IP6K3: variants seen among roughly 807,000 people sequenced by gnomAD.
The protein encoded by IP6K3 is ATP:1D-myo-inositol-hexakisphosphate phosphotransferase.
Under a neutral mutation model 28.8 loss-of-function variants are expected in IP6K3, and 20 were observed. That is an observed-to-expected ratio of 0.70 (90% CI 0.49 to 1.01). The LOEUF is 1.01. Ranked by LOEUF, IP6K3 falls within the 50% of genes least tolerant of loss-of-function variation. The pLI, the probability that IP6K3 is intolerant of heterozygous loss-of-function variation, is 0.00. For missense variants in IP6K3, 480 were observed against 537.1 expected (o/e 0.89, Z 1.05); for synonymous variants, 213 against 221.3 (o/e 0.96, Z 0.33).
chr6:33,725,198 C>CTT (rs1766051689), intron 5 of IP6K3, among the ~76,000 whole-genome samples: 1 of 145,436 alleles, frequency 6.9e-6, no homozygotes, highest in Admixed American at 7.1e-5. Flanking sequence ...CACTGCACTC[C>CTT]AGCCTGGGCG....
intron 2 of IP6K3, among the ~76,000 whole-genome samples, chr6:33,728,785 C>T (rs1165653562): frequency 6.6e-6 from 1 of 152,150 alleles, no homozygotes; most frequent in Non-Finnish European, 1.5e-5. Flanking sequence ...CCTGAGCACC[C>T]TTCTTCTCCC....
At position 33,723,118 on chromosome 6, in the gene IP6K3, C is replaced by G; in HGVS notation, c.835G>C (p.Gly279Arg). Residue 279 changes from glycine to arginine, a missense_variant, in exon 6 of 6, where the codon GGG (glycine) becomes CGG (arginine). By Grantham distance (125) the Gly-to-Arg change is moderately radical. Coordinates refer to ENST00000293756, the MANE Select transcript of IP6K3 (RefSeq NM_054111.5). ...KYYGRKLSVEGFRQALYQFLH... is the reference protein window; with the variant it reads ...KYYGRKLSVERFRQALYQFLH... Reference sequence around the variant, plus strand: ...AACTGATAGAGGGCTTGTCTGAACCCCTCCACTGAGAGTTTTCTTCCATAG... The same window carrying G: ...AACTGATAGAGGGCTTGTCTGAACCGCTCCACTGAGAGTTTTCTTCCATAG... 6.2e-7 allele frequency: 1 copy of G among 1,613,946 alleles called. No homozygotes were observed. Among genetic ancestry groups the G allele is most frequent in the South Asian group, 1.1e-5 (1 of 91,052 alleles).
the IP6K3 span, among the ~76,000 whole-genome samples, chr6:33,752,530 A>G: frequency 1.3e-5 from 2 of 152,322 alleles, no homozygotes; most frequent in East Asian, 3.9e-4. Context: ...CTGAAACACC[A>G]CAGCTGGAGG....
At chr6:33,725,228 C>CAAA (rs10570024) in intron 5 of IP6K3, among the ~76,000 whole-genome samples, 4 of 116,734 alleles carry the variant, frequency 3.4e-5, no homozygotes, top group Non-Finnish European at 6.9e-5. Flanking sequence ...GACTCCGTCT[C>CAAA]AAAAAAAAAA....
At chr6:33,741,673 C>T (rs530743363) in intron 1 of IP6K3, among the ~76,000 whole-genome samples, 2 of 113,440 alleles carry the variant, frequency 1.8e-5, no homozygotes, top group Non-Finnish European at 3.7e-5. Context: ...AAAAAAAAGC[C>T]GGGCACAGTG....
At chr6:33,751,928 C>G in the IP6K3 span, among the ~76,000 whole-genome samples, 3 of 152,186 alleles carry the variant, frequency 2.0e-5, no homozygotes, top group Non-Finnish European at 2.9e-5. This position sits in a 1 kb window ranked among gnomAD's most constrained non-coding sequence, Gnocchi z 4.3. Flanking sequence ...TGGACACAGG[C>G]TGGGGACTTG....
intron 2 of IP6K3, among the ~76,000 whole-genome samples, chr6:33,733,460 C>CA (rs1766387999): frequency 6.6e-6 from 1 of 152,264 alleles, no homozygotes. Flanking sequence ...AAGGCCAGGC[C>CA]AGCCTCTCTG....
At chr6:33,725,409 T>TC (rs758938445) in intron 5 of IP6K3, 32 bp downstream of exon 5, 18 of 1,584,764 alleles carry the variant, frequency 1.1e-5, no homozygotes, top group African/African-American at 2.7e-5. Context: ...TGCCGGGATG[T>TC]CCCCCCCTGT....
At chr6:33,745,168 A>G (rs921748486) in intron 1 of IP6K3, among the ~76,000 whole-genome samples, 4 of 152,184 alleles carry the variant, frequency 2.6e-5, no homozygotes, top group African/African-American at 9.7e-5. Context: ...GATGCTCATA[A>G]AGTTTATTGC....
the IP6K3 span, among the ~76,000 whole-genome samples, chr6:33,759,299 CAG>C: frequency 6.6e-6 from 1 of 151,936 alleles, no homozygotes; most frequent in African/African-American, 2.4e-5. Context: ...TTTTTTGAGA[CAG>C]AGTCTCGCTC....
upstream of IP6K3, among the ~76,000 whole-genome samples, chr6:33,747,620 C>G (rs772006209): frequency 1.3e-5 from 2 of 152,042 alleles, no homozygotes; most frequent in Non-Finnish European, 2.9e-5. The surrounding 1 kb of genome is among the most constrained non-coding windows in gnomAD (Gnocchi z 5.2). Flanking sequence ...GAAGGGGGCT[C>G]TAGCTACAGG....
rs1766203423 is a variant in IP6K3, at chr6:33,728,441, GA to G, written c.200-142del. 8 of 765,746 alleles carry G rather than the reference GA, an allele frequency of 1.0e-5. No homozygotes were observed. In the East Asian group the frequency reaches 2.1e-4, roughly 21 times the overall value. 47.4% of individuals were successfully genotyped at this position (765,746 alleles called of 1,614,324 possible). A position where few individuals can be genotyped will look rare whatever the true frequency, so the allele number is the denominator to read the frequency against. ...GTTCCCCAGCTCCTCTCTCAAGGAA[GA>G]GCTATGGGACTGGCCTGGTTTTGCC... On this transcript the variant is annotated intron_variant, in intron 2 of 5. Coordinates refer to ENST00000293756, the MANE Select transcript of IP6K3 (RefSeq NM_054111.5).
rs1440176784 is a variant in IP6K3 at position 33,726,866 on chromosome 6, T to C, written c.454A>G (p.Thr152Ala). ...TCTTCCACCAGCGAGAAGGCTGGAG[T>C]GTTGAGGTGGGGCTCGGACCTCAGA... is the stretch of plus-strand genomic sequence containing the variant. ...ALLRSEPHLN[T>A]PAFSLVEDTN... The change falls in exon 4 of 6, where the codon ACT becomes GCT. Residue 152 changes from threonine (T) to alanine (A), a missense_variant. By Grantham distance (58) the Thr-to-Ala change is moderately conservative (BLOSUM62 0). Coordinates refer to ENST00000293756, the MANE Select transcript of IP6K3 (RefSeq NM_054111.5). The C allele has an allele frequency of 6.2e-7, 1 of 1,611,300 alleles. No homozygotes were observed. The highest frequency in any genetic ancestry group is 1.7e-5 in the Admixed American group (1 of 59,902).
At chr6:33,745,566 G>GT (rs1429736675) in intron 1 of IP6K3, among the ~76,000 whole-genome samples, 2 of 152,158 alleles carry the variant, frequency 1.3e-5, no homozygotes, top group Non-Finnish European at 2.9e-5. Flanking sequence ...AATCACCATG[G>GT]TGGGGGGTCG....
chr6:33,734,582 C>T (rs1766441254), intron 2 of IP6K3, among the ~76,000 whole-genome samples: 1 of 152,184 alleles, frequency 6.6e-6, no homozygotes, highest in South Asian at 2.1e-4. Context: ...TGTGGCTGAG[C>T]CCTTTGAGCC....
the IP6K3 span, among the ~76,000 whole-genome samples, chr6:33,760,000 G>A: frequency 2.0e-5 from 3 of 152,216 alleles, no homozygotes; most frequent in Non-Finnish European, 2.9e-5. Context: ...ATCAGCACAG[G>A]TGGCATGGCT....
chr6:33,741,115 C>G (rs1001554382), intron 1 of IP6K3, among the ~76,000 whole-genome samples: 18 of 152,204 alleles, frequency 1.2e-4, no homozygotes, highest in African/African-American at 4.3e-4. Context: ...ATGTTCCCCC[C>G]ATTCTCTTTC....
intron 3 of IP6K3, 83 bp from the exon 4 acceptor site, chr6:33,726,989 G>A: frequency 7.2e-7 from 1 of 1,394,480 alleles, no homozygotes; most frequent in Non-Finnish European, 9.7e-7. Flanking sequence ...GGCTCTCTGA[G>A]ATGGGCTCTG....
chr6:33,729,930 T>C (rs1582206794), intron 2 of IP6K3, among the ~76,000 whole-genome samples: 1 of 152,192 alleles, frequency 6.6e-6, no homozygotes, highest in Admixed American at 6.5e-5. Flanking sequence ...GCTAGGCTGG[T>C]GTCGAACTCC....
Sources: allele counts gnomAD v4.1 joint callset (sites outside exome capture counted in the v4.1 genomes callset), GRCh38; gene constraint gnomAD v4.1.1; non-coding constraint Gnocchi (gnomAD v3.1); transcripts MANE v1.5; gene names NCBI Gene and HGNC (gene_info 2026-07-23, HGNC 2026-07-21).